The following TMEM117 variants were observed in gnomAD, a reference collection of about 807,000 sequenced individuals.
TMEM117 encodes transmembrane protein 117.
Under a neutral mutation model 52.4 loss-of-function variants are expected in TMEM117, and 27 were observed. That is an observed-to-expected ratio of 0.51 (90% confidence interval 0.38 to 0.71). The LOEUF (loss-of-function observed/expected upper bound fraction) is 0.71. Among genes scored for constraint, TMEM117 ranks in the 30% least tolerant of loss-of-function variants. The pLI, the probability that TMEM117 is intolerant of heterozygous loss-of-function variation, is 0.00. For missense variants in TMEM117, 556 were observed against 630.5 expected, an observed-to-expected ratio of 0.88 and a Z score of 1.26; for synonymous variants, 215 against 206.3, an observed-to-expected ratio of 1.04 and a Z score of -0.36.
intron 5 of TMEM117, among the ~76,000 whole-genome samples, chr12:44,213,103 A>G (rs1001595278): frequency 2.0e-5 from 3 of 152,164 alleles, no homozygotes; most frequent in African/African-American, 7.2e-5. Flanking sequence ...TCTGAATAAT[A>G]TATAATTTAA....
At chr12:44,227,453 A>G (rs749726280) in intron 5 of TMEM117, among the ~76,000 whole-genome samples, 7 of 152,104 alleles carry the variant, frequency 4.6e-5, no homozygotes, top group Non-Finnish European at 1.0e-4. Context: ...CCCTGTCTCA[A>G]AAAAGATTCT....
At chr12:43,883,257 A>C (rs1943929935) in intron 2 of TMEM117, among the ~76,000 whole-genome samples, 1 of 152,228 alleles carries the variant, frequency 6.6e-6, no homozygotes, top group South Asian at 2.1e-4. Flanking sequence ...TTTTGGAGAC[A>C]TGCATTTAAA....
intron 3 of TMEM117, among the ~76,000 whole-genome samples, chr12:43,992,923 G>T (rs1224771714): frequency 6.6e-6 from 1 of 152,100 alleles, no homozygotes; most frequent in South Asian, 2.1e-4. Context: ...TTGTTCACTG[G>T]TATTTCCCCA....
chr12:44,324,905 A>G (rs1439522413), intron 6 of TMEM117, among the ~76,000 whole-genome samples: 1 of 152,094 alleles, frequency 6.6e-6, no homozygotes, highest in African/African-American at 2.4e-5. Context: ...TATGGTGATT[A>G]TTTTCTTGAG....
intron 4 of TMEM117, among the ~76,000 whole-genome samples, chr12:44,190,463 A>G (rs1243053296): frequency 5.9e-5 from 9 of 152,148 alleles, no homozygotes; most frequent in Non-Finnish European, 1.3e-4. Context: ...TGCCAGGAGC[A>G]TTGCTCAGGT....
At chr12:44,348,764 A>C (rs1951524810) in intron 6 of TMEM117, among the ~76,000 whole-genome samples, 1 of 152,000 alleles carries the variant, frequency 6.6e-6, no homozygotes, top group African/African-American at 2.4e-5. Context: ...GATGGCAAGT[A>C]GGATCAAACT....
intron 5 of TMEM117, among the ~76,000 whole-genome samples, chr12:44,269,040 T>G (rs1950415261): frequency 6.6e-6 from 1 of 152,186 alleles, no homozygotes; most frequent in Admixed American, 6.6e-5. Context: ...TACTTTTATC[T>G]CTTGCTTTTT....
intron 2 of TMEM117, among the ~76,000 whole-genome samples, chr12:43,937,996 C>CTT (rs1944980566): frequency 6.6e-6 from 1 of 151,966 alleles, no homozygotes; most frequent in Non-Finnish European, 1.5e-5. Context: ...TATTTTGCGG[C>CTT]TTGTGCTCAA....
chr12:44,173,677 A>G (rs903090821), intron 4 of TMEM117, among the ~76,000 whole-genome samples: 1 of 152,024 alleles, frequency 6.6e-6, no homozygotes, highest in African/African-American at 2.4e-5. Context: ...GATTTTCTGC[A>G]TAAAACATCC....
At chr12:43,972,740 T>C (rs556006171) in intron 3 of TMEM117, among the ~76,000 whole-genome samples, 12 of 152,108 alleles carry the variant, frequency 7.9e-5, no homozygotes, top group Admixed American at 2.0e-4. Context: ...AGAGCGCTGA[T>C]GGCTGTGTTT....
At chr12:43,917,315 C>A (rs1173176457) in intron 2 of TMEM117, among the ~76,000 whole-genome samples, 3 of 151,488 alleles carry the variant, frequency 2.0e-5, no homozygotes, top group Non-Finnish European at 4.4e-5. Context: ...GCAGGAGGAT[C>A]GCTTGAGCTC....
intron 2 of TMEM117, among the ~76,000 whole-genome samples, chr12:43,933,271 C>T (rs908933765): frequency 6.6e-6 from 1 of 151,390 alleles, no homozygotes; most frequent in Non-Finnish European, 1.5e-5. Context: ...ACGATCTCGG[C>T]TCACTGCAGG....
At chr12:44,325,924 T>A (rs751437855) in intron 6 of TMEM117, among the ~76,000 whole-genome samples, 2 of 152,146 alleles carry the variant, frequency 1.3e-5, no homozygotes, top group Non-Finnish European at 2.9e-5. Context: ...ACTCTGGGTG[T>A]CCAAGGGGGG....
intron 4 of TMEM117, among the ~76,000 whole-genome samples, chr12:44,184,094 C>A (rs528279394): frequency 6.6e-6 from 1 of 152,106 alleles, no homozygotes; most frequent in East Asian, 1.9e-4. Context: ...ACCTGTAATC[C>A]CAGCACTTTG....
chr12:44,088,005 G>C (rs994805473), intron 3 of TMEM117, among the ~76,000 whole-genome samples: 5 of 152,054 alleles, frequency 3.3e-5, no homozygotes, highest in African/African-American at 7.2e-5. Flanking sequence ...AGAAAATTCT[G>C]GAAAATACAA....
At chr12:44,042,590 C>G (rs1946816564) in intron 3 of TMEM117, among the ~76,000 whole-genome samples, 1 of 152,142 alleles carries the variant, frequency 6.6e-6, no homozygotes, top group Non-Finnish European at 1.5e-5. Flanking sequence ...AAAGGAGAGA[C>G]TGGCCTAGCC....
chr12:43,949,551 A>T (rs1945187556), intron 3 of TMEM117, among the ~76,000 whole-genome samples: 1 of 152,208 alleles, frequency 6.6e-6, no homozygotes, highest in Non-Finnish European at 1.5e-5. Context: ...CACATGCTTG[A>T]GCCCACTAGC....
intron 6 of TMEM117, among the ~76,000 whole-genome samples, chr12:44,372,715 T>A (rs1951882096): frequency 6.6e-6 from 1 of 152,114 alleles, no homozygotes; most frequent in Non-Finnish European, 1.5e-5. Flanking sequence ...GTAAAAATAA[T>A]TCCAGTTCTT....
chr12:43,966,243 T>C (rs1201105865), intron 3 of TMEM117, among the ~76,000 whole-genome samples: 4 of 152,212 alleles, frequency 2.6e-5, no homozygotes, highest in African/African-American at 9.6e-5. Flanking sequence ...ATCTAAACCT[T>C]TTCCACTAGA....
Sources: allele counts gnomAD v4.1 joint callset (sites outside exome capture counted in the v4.1 genomes callset), GRCh38; gene constraint gnomAD v4.1.1; transcripts MANE v1.5; gene names NCBI Gene and HGNC (gene_info 2026-07-23, HGNC 2026-07-21).